DCBLD2: variants seen among roughly 807,000 people sequenced by gnomAD.
The protein encoded by DCBLD2 is discoidin, CUB and LCCL domain containing 2.
DCBLD2 carries 54 observed loss-of-function variants against 86.8 expected under a neutral mutation model. The observed-to-expected ratio is 0.62, with a 90% confidence interval of 0.50 to 0.78. DCBLD2 has a LOEUF of 0.78. Ranked by LOEUF, DCBLD2 falls within the 30% of genes least tolerant of loss-of-function variation. The pLI is 0.00. For synonymous variants in DCBLD2, 354 were observed against 341.3 expected (o/e 1.04, Z -0.41); for missense variants, 908 against 954.2 (o/e 0.95, Z 0.64).
chr3:98,881,867 T>C lies in DCBLD2; in HGVS notation c.206-100A>G. The C allele has an allele frequency of 2.7e-6, 3 of 1,129,644 alleles. No homozygotes were observed. In the East Asian group the frequency reaches 7.3e-5, roughly 28 times the overall value. 70.0% of individuals were successfully genotyped at this position (1,129,644 alleles called of 1,614,324 possible). The stretch of plus-strand genomic sequence containing the variant: ...ATTTAAAAATATGCACGACATCAAA[T>C]ATTTTATACCACCCATACTTTCTAT... On this transcript the variant is annotated intron_variant, in intron 1 of 15. Transcript: ENST00000326840.
chr3:98,836,750 C>T (rs1461745037), intron 3 of DCBLD2, among the ~76,000 whole-genome samples: 1 of 74,488 alleles, frequency 1.3e-5, no homozygotes. Flanking sequence ...CCCTCCCGGA[C>T]GGGGTGGCTG....
chr3:98,881,504 T>C (rs372950397), intron 2 of DCBLD2, 36 bp downstream of exon 2: 3 of 1,527,988 alleles, frequency 2.0e-6, no homozygotes, highest in Admixed American at 1.7e-5. Context: ...GAGACAATGA[T>C]GTATTTACAT....
intron 1 of DCBLD2, among the ~76,000 whole-genome samples, chr3:98,894,930 C>A (rs571056298): frequency 6.6e-6 from 1 of 151,770 alleles, no homozygotes; most frequent in Admixed American, 6.6e-5. Context: ...ATGTATTATC[C>A]GGAGATGAGT....
intron 8 of DCBLD2, 93 bp from the exon 9 acceptor site, chr3:98,817,986 C>A: frequency 7.0e-7 from 1 of 1,434,172 alleles, no homozygotes; most frequent in Non-Finnish European, 9.5e-7. Context: ...ATGCACAGCT[C>A]GAACATTTCT....
At position 98,875,148 on chromosome 3, in the gene DCBLD2, T is replaced by C. The variant is rs547500383; in HGVS notation, c.433+6392A>G. Among the ~76,000 whole-genome samples the C allele has an allele frequency of 2.6e-5, 4 of 152,320 alleles. No homozygotes were observed. The East Asian group carries it at 7.7e-4, about 29-fold the overall frequency. Reference sequence around the variant, plus strand: ...GAACTATCTCTATCTGCAGATGTGATTGTGTATCTGAAAATCCCTAGAAAG... The same window carrying C: ...GAACTATCTCTATCTGCAGATGTGACTGTGTATCTGAAAATCCCTAGAAAG... On this transcript the variant is annotated intron_variant, in intron 2 of 15. Transcript: ENST00000326840.
At chr3:98,867,782 A>G (rs1212392230) in intron 2 of DCBLD2, among the ~76,000 whole-genome samples, 2 of 152,040 alleles carry the variant, frequency 1.3e-5, no homozygotes, top group East Asian at 3.8e-4. Context: ...ACTCAAAGAA[A>G]TAACATTTGT....
chr3:98,877,717 A>G (rs1439674730), intron 2 of DCBLD2, among the ~76,000 whole-genome samples: 1 of 152,182 alleles, frequency 6.6e-6, no homozygotes, highest in African/African-American at 2.4e-5. Context: ...ACCATTCTCC[A>G]CTAAAAAGAA....
intron 2 of DCBLD2, among the ~76,000 whole-genome samples, chr3:98,859,241 G>A (rs1407855839): frequency 1.3e-5 from 2 of 152,216 alleles, no homozygotes; most frequent in Non-Finnish European, 2.9e-5. Flanking sequence ...CTCGAACTGG[G>A]TGGAGCCCAA....
chr3:98,835,938 C>CTTTCTTTCTTTTTTTTTTTTT (rs56279917), intron 3 of DCBLD2, among the ~76,000 whole-genome samples: 2 of 115,054 alleles, frequency 1.7e-5, no homozygotes, highest in Non-Finnish European at 1.8e-5. Context: ...TCCTTTCTTT[C>CTTTCTTTCTTTTTTTTTTTTT]TTTTTTTTTT....
At chr3:98,893,798 A>T (rs1345618441) in intron 1 of DCBLD2, among the ~76,000 whole-genome samples, 2 of 152,218 alleles carry the variant, frequency 1.3e-5, no homozygotes, top group East Asian at 3.8e-4. Flanking sequence ...TCTGATAAAG[A>T]GGAAGAGGAC....
At position 98,881,642 on chromosome 3, in the gene DCBLD2, C is replaced by T. The variant is rs1424781920; in HGVS notation, c.331G>A (p.Val111Ile). The T allele has an allele frequency of 6.2e-7, 1 of 1,613,826 alleles. No individual in the cohort carries two copies. The highest frequency in any genetic ancestry group is 1.3e-5 in the African/African-American group (1 of 74,914). Residue 111 changes from valine to isoleucine, a missense_variant, in exon 2 of 16, where the codon GTT becomes ATT. This residue lies in a region of DCBLD2 where 294 missense variants were observed against 256.0 expected (regional missense o/e 1.15). Coordinates refer to ENST00000326840, the MANE Select transcript of DCBLD2 (RefSeq NM_080927.4). Reference sequence around the variant, plus strand: ...TCAAAGTCACCAAATTTGATGCGAACTCTCTCTCCCATCTTTACACGGATC... The same window carrying T: ...TCAAAGTCACCAAATTTGATGCGAATTCTCTCTCCCATCTTTACACGGATC... ...WEIRVKMGER[V>I]RIKFGDFDIE...
chr3:98,895,825 A>G (rs900452731), intron 1 of DCBLD2, among the ~76,000 whole-genome samples: 1 of 152,152 alleles, frequency 6.6e-6, no homozygotes, highest in Admixed American at 6.5e-5. Flanking sequence ...AGACAATAAC[A>G]ATGTTTTACT....
At chr3:98,818,592 C>T (rs1291935265) in intron 8 of DCBLD2, among the ~76,000 whole-genome samples, 4 of 152,174 alleles carry the variant, frequency 2.6e-5, no homozygotes, top group African/African-American at 9.7e-5. Flanking sequence ...AGGAGATTAA[C>T]ATTTGAGTCA....
At chr3:98,838,105 C>A (rs867780225) in intron 3 of DCBLD2, among the ~76,000 whole-genome samples, 8 of 142,086 alleles carry the variant, frequency 5.6e-5, no homozygotes, top group Admixed American at 2.0e-4. Flanking sequence ...CTGAACCCCC[C>A]ACCTCCCTCC....
intron 2 of DCBLD2, among the ~76,000 whole-genome samples, chr3:98,858,954 T>A (rs982097488): frequency 2.8e-4 from 43 of 151,988 alleles, no homozygotes; most frequent in African/African-American, 1.0e-3. Context: ...GCGCGTGGGG[T>A]CGGGGAATTC....
chr3:98,830,066 C>T (rs543485564), intron 3 of DCBLD2, among the ~76,000 whole-genome samples: 2 of 152,158 alleles, frequency 1.3e-5, no homozygotes, highest in Admixed American at 6.5e-5. Flanking sequence ...TGCTCATGTT[C>T]TTTACCTGCT....
intron 2 of DCBLD2, among the ~76,000 whole-genome samples, chr3:98,874,187 A>G (rs1214367547): frequency 6.6e-6 from 1 of 152,206 alleles, no homozygotes; most frequent in Non-Finnish European, 1.5e-5. Context: ...ATTCTCTGTA[A>G]ATTTTTCCAG....
intron 1 of DCBLD2, among the ~76,000 whole-genome samples, chr3:98,898,545 GACA>G (rs1266655733): frequency 8.5e-5 from 13 of 152,056 alleles, no homozygotes; most frequent in African/African-American, 2.4e-4. Context: ...ACCACCAAAA[GACA>G]ACAACTGTCA....
intron 14 of DCBLD2, 169 bp from the exon 15 acceptor site, chr3:98,800,885 C>A (rs1576151994): frequency 1.3e-6 from 1 of 754,366 alleles, no homozygotes; most frequent in Non-Finnish European, 2.1e-6. Flanking sequence ...GATAGACTAT[C>A]CAGCACCAAG....
Sources: gnomAD v4.1 joint callset for allele counts (sites outside exome capture counted in the v4.1 genomes callset) on GRCh38, gnomAD v4.1.1 for gene constraint, gnomAD v4.1.1 regional missense constraint, MANE v1.5 for transcripts, NCBI Gene and HGNC (gene_info 2026-07-23, HGNC 2026-07-21) for gene names.